COL4A1: variants seen among roughly 807,000 people sequenced by gnomAD.
COL4A1 encodes the protein collagen type IV alpha 1 chain.
Under a neutral mutation model 216.6 loss-of-function variants are expected in COL4A1, and 40 were observed. The ratio of observed to expected loss-of-function variants is 0.18; its 90% CI spans 0.14 to 0.24. The LOEUF is 0.24. COL4A1 is among the 10% of genes least tolerant of loss of function. The pLI, the probability that COL4A1 is intolerant of heterozygous loss-of-function variation, is 1.00. For synonymous variants in COL4A1, 839 were observed against 810.7 expected, an observed-to-expected ratio of 1.03 and a Z score of -0.59; for missense variants, 1,628 against 2,196.8, an observed-to-expected ratio of 0.74 and a Z score of 5.18.
In COL4A1 at chr13:110,192,256, G is replaced by A. The variant is rs149046219; in HGVS notation, c.1494C>T (p.Gly498=). Residue 498 remains glycine (G), a synonymous_variant, in exon 24 of 52, where the codon GGC becomes GGT. Coordinates refer to ENST00000375820, the MANE Select transcript of COL4A1 (RefSeq NM_001845.6). ...IGFPGQPGAK[G]DRGLPGRDGV... is the part of the protein sequence containing the mutation. ...CATCTCTGCCAGGCAAACCTCTGTC[G>A]CCCTTGGCCCCTGGCTGCCCTGGGA... is the stretch of plus-strand genomic sequence containing the variant. The A allele has an allele frequency of 1.3e-4, 208 of 1,614,140 alleles. No individual in the cohort carries two copies. The African/African-American group carries it at 2.3e-3, about 18-fold the overall frequency.
At chr13:110,238,314 T>C (rs1881414931) in intron 2 of COL4A1, among the ~76,000 whole-genome samples, 1 of 152,258 alleles carries the variant, frequency 6.6e-6, no homozygotes, top group Admixed American at 6.5e-5. Context: ...CTTGGGAATG[T>C]CCCTTTTTGG....
At chr13:110,166,346 T>C in intron 44 of COL4A1, 43 bp from the exon 45 acceptor site, 2 of 1,222,560 alleles carry the variant, frequency 1.6e-6, no homozygotes, top group East Asian at 4.6e-5. Context: ...GAATTCCCAA[T>C]GATATACAAA....
rs139316652 is a variant in COL4A1, at chr13:110,151,600, A to G, written c.4928+734T>C. On this transcript the variant is annotated intron_variant, in intron 51 of 51. Transcript: ENST00000375820. The stretch of plus-strand genomic sequence containing the variant: ...TATAATTCTCTCCAAAAAGGTGAAG[A>G]TGGAAAGGCTCATCTCCAGGGGTGA... Among the ~76,000 whole-genome samples the G allele has an allele frequency of 6.6e-5, 10 of 152,344 alleles. No homozygotes were observed. The East Asian group carries it at 1.7e-3, about 26-fold the overall frequency.
At chr13:110,170,421 G>T in intron 42 of COL4A1, 126 bp downstream of exon 42, 4 of 1,044,564 alleles carry the variant, frequency 3.8e-6, no homozygotes, top group African/African-American at 1.6e-5. Flanking sequence ...ATTTCAAGCT[G>T]TAATAAATGC....
intron 1 of COL4A1, among the ~76,000 whole-genome samples, chr13:110,297,760 G>A (rs1884332156): frequency 2.6e-5 from 4 of 152,154 alleles, no homozygotes; most frequent in African/African-American, 7.2e-5. Context: ...CAAAGTATAA[G>A]AACAATTCCA....
intron 1 of COL4A1, among the ~76,000 whole-genome samples, chr13:110,264,558 C>T (rs1333395498): frequency 6.6e-6 from 1 of 152,174 alleles, no homozygotes; most frequent in African/African-American, 2.4e-5. Context: ...AATGGATGCA[C>T]ATTCAGGCCT....
At position 110,168,314 on chromosome 13, in the gene COL4A1, C is replaced by G. The variant is rs147013961; in HGVS notation, c.3877-1084G>C. On this transcript the variant is annotated intron_variant, in intron 43 of 51. Coordinates refer to ENST00000375820, the MANE Select transcript of COL4A1 (RefSeq NM_001845.6). ...ACAGGCGTGAGCTACCAGGCCCAGC[C>G]GGGAATGGGGTATATTTCTATGTTA... Among the ~76,000 whole-genome samples, 100 of 152,226 alleles carry G rather than the reference C, an allele frequency of 6.6e-4. 1 individual carries two copies. The East Asian group carries it at 0.018, about 27-fold the overall frequency.
At chr13:110,235,622 G>A (rs1881280854) in intron 2 of COL4A1, among the ~76,000 whole-genome samples, 1 of 142,874 alleles carries the variant, frequency 7.0e-6, no homozygotes, top group African/African-American at 2.6e-5. Flanking sequence ...TGACGCCACT[G>A]CACACCAGCC....
intron 2 of COL4A1, among the ~76,000 whole-genome samples, chr13:110,216,955 C>T (rs1880115090): frequency 6.6e-6 from 1 of 152,166 alleles, no homozygotes; most frequent in Admixed American, 6.5e-5. Flanking sequence ...CATTCTTTCC[C>T]AAATGTCACC....
At position 110,162,282 on chromosome 13, in the gene COL4A1, C is replaced by T. The variant is rs747551299; in HGVS notation, c.4410G>A (p.Gly1470=). ...CPSGTKILYH[G]YSLLYVQGNE... ...TGCCTTGCACGTAGAGCAAAGAGTA[C>T]CCGTGGTAAAGAATTTTGGTCCCAG... The change falls in exon 48 of 52, where the codon GGG becomes GGA. Residue 1470 remains glycine (G), a synonymous_variant. Transcript: ENST00000375820. The T allele has an allele frequency of 4.3e-6, 7 of 1,614,070 alleles. No individual in the cohort carries two copies. Among genetic ancestry groups the T allele is most frequent in the Admixed American group, 1.7e-5 (1 of 60,004 alleles).
intron 20 of COL4A1, among the ~76,000 whole-genome samples, chr13:110,199,379 G>T (rs903700870): frequency 1.3e-5 from 2 of 152,174 alleles, no homozygotes; most frequent in South Asian, 4.1e-4. Flanking sequence ...GAGAGGAGAG[G>T]GAAGAGCGCT....
chr13:110,256,744 CG>C (rs67359604), intron 1 of COL4A1, among the ~76,000 whole-genome samples: 2 of 151,812 alleles, frequency 1.3e-5, no homozygotes, highest in African/African-American at 2.4e-5. Flanking sequence ...AGACCGGCGG[CG>C]GGGGGGTCTA....
At chr13:110,291,418 T>C (rs1884083883) in intron 1 of COL4A1, among the ~76,000 whole-genome samples, 1 of 152,186 alleles carries the variant, frequency 6.6e-6, no homozygotes, top group African/African-American at 2.4e-5. Context: ...TGTCGGGATG[T>C]GCTAGGGGTG....
At chr13:110,210,751 G>A (rs1879754754) in intron 8 of COL4A1, among the ~76,000 whole-genome samples, 1 of 152,106 alleles carries the variant, frequency 6.6e-6, no homozygotes, top group Admixed American at 6.5e-5. Context: ...TAAGGCAAAT[G>A]GCCCTCCATA....
chr13:110,224,852 C>T (rs1880663807), intron 2 of COL4A1, among the ~76,000 whole-genome samples: 1 of 151,788 alleles, frequency 6.6e-6, no homozygotes, highest in Admixed American at 6.6e-5. Flanking sequence ...GGAAACACCA[C>T]AAGGTAGGTG....
In COL4A1 at chr13:110,179,025, G is replaced by A. The variant is rs890694997; in HGVS notation, c.2356C>T (p.Pro786Ser). 1 of 1,610,448 alleles carries A rather than the reference G, an allele frequency of 6.2e-7. No homozygotes were observed. Among genetic ancestry groups the A allele is most frequent in the Non-Finnish European group, 8.5e-7 (1 of 1,178,790 alleles). The change falls in exon 31 of 52, where the codon CCT (proline) becomes TCT (serine). Residue 786 changes from proline to serine, a missense_variant. Transcript: ENST00000375820. ...GLQGIRGEPG[P>S]PGLPGSVGSP... ...CCCACGGAGCCTGGCAATCCAGGAGGTCCCGGTTCACCTGGAGAAGAAAAA... is the reference window on the plus strand; with the variant it reads ...CCCACGGAGCCTGGCAATCCAGGAGATCCCGGTTCACCTGGAGAAGAAAAA...
At chr13:110,243,174 C>G (rs969952985) in intron 1 of COL4A1, among the ~76,000 whole-genome samples, 4 of 144,178 alleles carry the variant, frequency 2.8e-5, no homozygotes, top group Admixed American at 6.7e-5. Flanking sequence ...CAAGGACACA[C>G]GGCCGCGCAA....
chr13:110,191,850 G>A (rs1003544558), intron 24 of COL4A1, among the ~76,000 whole-genome samples: 1 of 152,180 alleles, frequency 6.6e-6, no homozygotes, highest in Non-Finnish European at 1.5e-5. Context: ...CGGCACTTCG[G>A]CTCTGCACTG....
At chr13:110,299,182 A>G (rs2029767) in intron 1 of COL4A1, among the ~76,000 whole-genome samples, 143,382 of 152,316 alleles carry the variant, frequency 0.94, 68,076 homozygotes, top group East Asian at 1. Context: ...TAACGTCCCG[A>G]CACTGCAGGC....
Sources: gnomAD v4.1 joint callset for allele counts (sites outside exome capture counted in the v4.1 genomes callset) on GRCh38, gnomAD v4.1.1 for gene constraint, MANE v1.5 for transcripts, NCBI Gene and HGNC (gene_info 2026-07-23, HGNC 2026-07-21) for gene names.